ADGRB3: variants seen among roughly 807,000 people sequenced by gnomAD.
ADGRB3 encodes adhesion G protein-coupled receptor B3, also known as brain-specific angiogenesis inhibitor 3.
In ADGRB3, 37 loss-of-function variants were observed where a neutral mutation model predicts 193.4. The ratio of observed to expected loss-of-function variants is 0.19; its 90% CI spans 0.15 to 0.25. The LOEUF (loss-of-function observed/expected upper bound fraction) is 0.25, where lower values mean the gene tolerates loss of function less well. Ranked by LOEUF, ADGRB3 falls within the 10% of genes least tolerant of loss-of-function variation. The pLI is 1.00. For missense variants in ADGRB3, 1,637 were observed against 1,852.9 expected, an observed-to-expected ratio of 0.88 and a Z score of 2.14; for synonymous variants, 690 against 644.2, an observed-to-expected ratio of 1.07 and a Z score of -1.08.
At chr6:68,765,940 T>A (rs1248788680) in intron 3 of ADGRB3, among the ~76,000 whole-genome samples, 1 of 151,668 alleles carries the variant, frequency 6.6e-6, no homozygotes. Context: ...AATGTTTTAT[T>A]TATTCAGTTT....
intron 20 of ADGRB3, among the ~76,000 whole-genome samples, chr6:69,288,452 C>T (rs1439801956): frequency 1.3e-5 from 2 of 152,244 alleles, no homozygotes; most frequent in Admixed American, 6.5e-5. Flanking sequence ...GCACCGTTCA[C>T]GATAGCAAAG....
At chr6:68,658,222 G>C (rs566207264) in intron 3 of ADGRB3, among the ~76,000 whole-genome samples, 2 of 151,288 alleles carry the variant, frequency 1.3e-5, no homozygotes, top group South Asian at 2.1e-4. Flanking sequence ...ATTGAGAAGA[G>C]GCAGAGCTGA....
At chr6:69,184,698 A>T (rs1765033080) in intron 17 of ADGRB3, among the ~76,000 whole-genome samples, 1 of 152,084 alleles carries the variant, frequency 6.6e-6, no homozygotes, top group Non-Finnish European at 1.5e-5. Flanking sequence ...CTCTGGAAAA[A>T]ATAAAAGATA....
chr6:68,647,355 T>C (rs1768241028), intron 3 of ADGRB3, among the ~76,000 whole-genome samples: 1 of 152,218 alleles, frequency 6.6e-6, no homozygotes, highest in African/African-American at 2.4e-5. Flanking sequence ...CCTTTAAATT[T>C]TATTTTTGTA....
At chr6:68,941,999 A>G (rs1767656498) in intron 5 of ADGRB3, among the ~76,000 whole-genome samples, 2 of 151,372 alleles carry the variant, frequency 1.3e-5, no homozygotes, top group African/African-American at 4.8e-5. Flanking sequence ...GTAAAACATC[A>G]TATTTTTTGT....
Position 68,839,140 on chromosome 6 carries a change from T to A in ADGRB3, c.758-91419T>A, listed in dbSNP as rs115369306. ...CACATACACACATTAGACCTTCCTA[T>A]AACAAGTCATTAAGTTGTCTAAATT... On this transcript the variant is annotated intron_variant, in intron 3 of 31. Coordinates refer to ENST00000370598, the MANE Select transcript of ADGRB3 (RefSeq NM_001704.3). Among the ~76,000 whole-genome samples, 383 of 151,550 alleles carry A rather than the reference T, an allele frequency of 2.5e-3. 1 individual carries two copies. The highest frequency in any genetic ancestry group is 9.1e-3 in the African/African-American group (377 of 41,306).
rs1195559709 is a variant in ADGRB3, at chr6:69,353,133, C to T, written c.3460-1100C>T. Among the ~76,000 whole-genome samples the T allele has an allele frequency of 2.6e-5, 4 of 152,176 alleles. No homozygotes were observed. In the South Asian group the frequency reaches 8.3e-4, roughly 31 times the overall value. The stretch of plus-strand genomic sequence containing the variant: ...TGGAAGTGGAAAGAACAGGCTGATG[C>T]TGAGACACTGTAAGAACAGAATAAC... On this transcript the variant is annotated intron_variant, in intron 26 of 31. Coordinates refer to ENST00000370598, the MANE Select transcript of ADGRB3 (RefSeq NM_001704.3).
Position 69,388,856 on chromosome 6 carries a change from G to A in ADGRB3, c.4534G>A (p.Asp1512Asn), listed in dbSNP as rs199746859. 11 of 1,613,126 alleles carry A rather than the reference G, an allele frequency of 6.8e-6. No individual in the cohort carries two copies. The Admixed American group carries it at 1.3e-4, about 20-fold the overall frequency. The change falls in exon 32 of 32, where the codon GAT (aspartate) becomes AAT (asparagine). Residue 1512 changes from aspartate to asparagine, a missense_variant. Asp to Asn is a conservative substitution (Grantham distance 23). Coordinates refer to ENST00000370598, the MANE Select transcript of ADGRB3 (RefSeq NM_001704.3). ...EWEKCLNLPL[D>N]VQEGDFQTEV ...GGAGAAGTGTCTGAATTTGCCTCTG[G>A]ATGTGCAAGAGGGTGACTTTCAAAC...
intron 13 of ADGRB3, among the ~76,000 whole-genome samples, chr6:69,035,156 A>C (rs1400294284): frequency 1.3e-5 from 2 of 152,040 alleles, no homozygotes; most frequent in African/African-American, 2.4e-5. Context: ...TAGTCTATAA[A>C]ATATAATTAA....
intron 10 of ADGRB3, among the ~76,000 whole-genome samples, chr6:68,977,828 T>G (rs1768792758): frequency 6.9e-6 from 1 of 143,990 alleles, no homozygotes; most frequent in African/African-American, 2.4e-5. Context: ...AAAAAGAATC[T>G]GAATATCTGT....
intron 28 of ADGRB3, among the ~76,000 whole-genome samples, chr6:69,356,190 A>G (rs927464015): frequency 3.3e-5 from 5 of 152,124 alleles, no homozygotes; most frequent in Non-Finnish European, 7.4e-5. Context: ...CTGTATAGAC[A>G]ATTAAAGGCA....
intron 3 of ADGRB3, among the ~76,000 whole-genome samples, chr6:68,814,251 A>G (rs189159277): frequency 1.3e-5 from 2 of 152,280 alleles, no homozygotes; most frequent in Admixed American, 6.5e-5. Context: ...TTGCCATTCT[A>G]ACTGGTGTGA....
chr6:69,329,858 G>A (rs1341704004), intron 22 of ADGRB3, among the ~76,000 whole-genome samples: 3 of 152,072 alleles, frequency 2.0e-5, no homozygotes, highest in African/African-American at 2.4e-5. Flanking sequence ...GGATTATCTT[G>A]TCTCTATCAA....
chr6:68,680,129 A>G (rs1034644393), intron 3 of ADGRB3, among the ~76,000 whole-genome samples: 3 of 152,118 alleles, frequency 2.0e-5, no homozygotes, highest in Non-Finnish European at 4.4e-5. Context: ...TCGAAGTTAG[A>G]TTTCTAGCCT....
intron 3 of ADGRB3, among the ~76,000 whole-genome samples, chr6:68,772,760 G>A (rs1766643548): frequency 6.6e-6 from 1 of 150,804 alleles, no homozygotes; most frequent in Non-Finnish European, 1.5e-5. Flanking sequence ...GTTCATGCCT[G>A]TAATTCCAGC....
chr6:68,766,306 T>A (rs1766507123), intron 3 of ADGRB3, among the ~76,000 whole-genome samples: 1 of 152,032 alleles, frequency 6.6e-6, no homozygotes, highest in Admixed American at 6.6e-5. Flanking sequence ...GATTTTTATT[T>A]TTTGGTTAAA....
At chr6:68,908,173 G>A (rs1766600718) in intron 3 of ADGRB3, among the ~76,000 whole-genome samples, 1 of 151,776 alleles carries the variant, frequency 6.6e-6, no homozygotes, top group Admixed American at 6.6e-5. Flanking sequence ...CATTGAATTT[G>A]CTACAGTTTT....
chr6:69,118,856 TTATATTTTATCTA>T (rs1773606138), intron 17 of ADGRB3, among the ~76,000 whole-genome samples: 1 of 152,152 alleles, frequency 6.6e-6, no homozygotes, highest in African/African-American at 2.4e-5. Context: ...ATAACCAAAT[TTATATTTTATCTA>T]TATATAGCAA....
At chr6:69,302,278 G>C (rs1245998340) in intron 20 of ADGRB3, among the ~76,000 whole-genome samples, 1 of 151,948 alleles carries the variant, frequency 6.6e-6, no homozygotes, top group African/African-American at 2.4e-5. Flanking sequence ...GATCAGGACT[G>C]CCCTTTCTAT....
Sources: gnomAD v4.1 joint callset for allele counts (sites outside exome capture counted in the v4.1 genomes callset) on GRCh38, gnomAD v4.1.1 for gene constraint, MANE v1.5 for transcripts, NCBI Gene and HGNC (gene_info 2026-07-23, HGNC 2026-07-21) for gene names.